CAMTA1: variants seen among roughly 807,000 people sequenced by gnomAD.
CAMTA1 encodes calmodulin-binding transcription activator 1.
A neutral mutation model predicts 170.9 loss-of-function variants in CAMTA1; 27 were observed. That is an observed-to-expected ratio of 0.16 (90% CI 0.12 to 0.22). CAMTA1 has a LOEUF of 0.22. Among genes scored for constraint, CAMTA1 ranks in the 10% least tolerant of loss-of-function variants. The probability of loss-of-function intolerance (pLI) is 1.00; values close to 1 mark genes in which losing one functional copy is unlikely to be tolerated. For missense variants in CAMTA1, 1,619 were observed against 2,217.2 expected (o/e 0.73, Z 5.42); for synonymous variants, 833 against 891.5 (o/e 0.93, Z 1.17).
At chr1:7,394,400 T>C (rs904245863) in intron 5 of CAMTA1, among the ~76,000 whole-genome samples, 1 of 152,244 alleles carries the variant, frequency 6.6e-6, no homozygotes, top group African/African-American at 2.4e-5. Flanking sequence ...GGTAAGGTGA[T>C]ATCTCATTGT....
intron 5 of CAMTA1, among the ~76,000 whole-genome samples, chr1:7,268,266 AGG>A: frequency 6.6e-6 from 1 of 151,982 alleles, no homozygotes; most frequent in East Asian, 1.9e-4. Context: ...ACAGAGGAGA[AGG>A]GGGGGTCAGC....
intron 3 of CAMTA1, among the ~76,000 whole-genome samples, chr1:6,929,356 T>TTTG (rs1553189095): frequency 5.5e-4 from 82 of 150,180 alleles, no homozygotes; most frequent in African/African-American, 1.2e-3. Context: ...ATTTTTTTTT[T>TTTG]TTTGTTTGTT....
chr1:7,665,818 T>C lies in CAMTA1; in HGVS notation c.2652+619T>C, dbSNP rs755508879. Among the ~76,000 whole-genome samples, 22 of 152,166 alleles carry C rather than the reference T, an allele frequency of 1.4e-4. No homozygotes were observed. Among genetic ancestry groups the C allele is most frequent in the Non-Finnish European group, 2.6e-4 (18 of 68,024 alleles). ...TCAATTTATGTGTTGAGTCCATCTA[T>C]GTTTTGCTTTGCTTTTTTTTTGAAA... On this transcript the variant is annotated intron_variant, in intron 9 of 22. Coordinates refer to ENST00000303635, the MANE Select transcript of CAMTA1 (RefSeq NM_015215.4). This position sits in a 1 kb window ranked among gnomAD's most constrained non-coding sequence, Gnocchi z 4.3.
chr1:7,110,070 C>A (rs1643919174), intron 4 of CAMTA1, among the ~76,000 whole-genome samples: 1 of 152,162 alleles, frequency 6.6e-6, no homozygotes, highest in East Asian at 1.9e-4. Context: ...TTCAATTTAT[C>A]TGAGTTTCAA....
At chr1:7,441,676 T>C (rs112588473) in intron 5 of CAMTA1, 1 of 152,176 alleles carries the variant, frequency 6.6e-6, no homozygotes, top group Non-Finnish European at 1.5e-5. Flanking sequence ...GGCTTCAAGG[T>C]TGAGTTGGCT....
chr1:7,734,660 G>A (rs757262061), intron 12 of CAMTA1, among the ~76,000 whole-genome samples: 4 of 152,322 alleles, frequency 2.6e-5, no homozygotes, highest in Non-Finnish European at 5.9e-5. Flanking sequence ...TTTGCGGCAT[G>A]TTGGGATCAC....
chr1:6,962,023 C>A (rs573166352), intron 3 of CAMTA1, among the ~76,000 whole-genome samples: 3 of 152,246 alleles, frequency 2.0e-5, no homozygotes, highest in Non-Finnish European at 2.9e-5. Flanking sequence ...AGCCAAGCCC[C>A]CTCAGCCTCC....
intron 3 of CAMTA1, among the ~76,000 whole-genome samples, chr1:6,869,453 A>G (rs1259310265): frequency 6.6e-6 from 1 of 152,194 alleles, no homozygotes; most frequent in Admixed American, 6.5e-5. Context: ...CAGCAAACAG[A>G]CCGGACTCAG....
intron 4 of CAMTA1, among the ~76,000 whole-genome samples, chr1:7,104,005 A>G (rs1274786817): frequency 7.3e-6 from 1 of 137,488 alleles, no homozygotes; most frequent in East Asian, 2.0e-4. Flanking sequence ...CATGAACACA[A>G]CACACTACAC....
At chr1:7,204,589 G>T (rs1657328190) in intron 4 of CAMTA1, among the ~76,000 whole-genome samples, 1 of 151,892 alleles carries the variant, frequency 6.6e-6, no homozygotes, top group African/African-American at 2.4e-5. Flanking sequence ...GGTCTATCCT[G>T]GATAATGTTT....
At position 7,212,444 on chromosome 1, in the gene CAMTA1, A is replaced by T. The variant is rs566048626; in HGVS notation, c.303-37047A>T. 7.2e-5 allele frequency among the ~76,000 whole-genome samples: 11 copies of T among 152,022 alleles called. No individual in the cohort carries two copies. The South Asian group carries it at 2.1e-3, about 29-fold the overall frequency. On this transcript the variant is annotated intron_variant, in intron 4 of 22. Coordinates refer to ENST00000303635, the MANE Select transcript of CAMTA1 (RefSeq NM_015215.4). ...TGTGTTTCTTTGCTGAGATAAGCAG[A>T]TACATGTATACTTTCTTATTTTCTC...
Position 7,749,578 on chromosome 1 carries a change from T to C in CAMTA1, c.4690-1621T>C, listed in dbSNP as rs148168853. Among the ~76,000 whole-genome samples, 279 of 151,128 alleles carry C rather than the reference T, an allele frequency of 1.8e-3. 1 individual carries two copies. The highest frequency in any genetic ancestry group is 6.6e-3 in the African/African-American group (271 of 41,234). On this transcript the variant is annotated intron_variant, in intron 19 of 22. Transcript: ENST00000303635. ...CTCCCCAGAAACTGTCATCTACAGC[T>C]AGGAAGACAGAAGGCATTATTTTTG...
chr1:7,628,363 C>T (rs890721581), intron 6 of CAMTA1, among the ~76,000 whole-genome samples: 5 of 152,230 alleles, frequency 3.3e-5, no homozygotes, highest in African/African-American at 4.8e-5. Context: ...CCAAAGAATG[C>T]GGCTTGGCCA....
chr1:7,736,785 T>A lies in CAMTA1; in HGVS notation c.3264-146T>A. ...TTTGGACCCCTAGCCAAATGGAGCG[T>A]CCACACTGCCCTGGGACTCTGTTTC... On this transcript the variant is annotated intron_variant, in intron 13 of 22. Transcript: ENST00000303635. This position sits in a 1 kb window ranked among gnomAD's most constrained non-coding sequence, Gnocchi z 4.5. The A allele has an allele frequency of 1.4e-6, 1 of 726,578 alleles. No homozygotes were observed. Among genetic ancestry groups the A allele is most frequent in the South Asian group, 1.8e-5 (1 of 55,050 alleles). The allele number at this position is 726,578 out of a possible 1,614,324, so 45.0% of individuals were successfully genotyped here.
chr1:7,235,558 C>T (rs1466837307), intron 4 of CAMTA1, among the ~76,000 whole-genome samples: 7 of 152,134 alleles, frequency 4.6e-5, no homozygotes, highest in Admixed American at 3.3e-4. Flanking sequence ...GCCCAAGAGG[C>T]GGAGGTTGCA....
chr1:7,690,248 C>T (rs1488071752), intron 11 of CAMTA1, among the ~76,000 whole-genome samples: 1 of 152,210 alleles, frequency 6.6e-6, no homozygotes. Context: ...CAAGTTTTGC[C>T]TCTGGTGTCC....
chr1:7,168,837 A>T (rs1649037140), intron 4 of CAMTA1, among the ~76,000 whole-genome samples: 1 of 151,942 alleles, frequency 6.6e-6, no homozygotes, highest in South Asian at 2.1e-4. Context: ...AATAGCAGGA[A>T]CTCTTGCCTC....
intron 5 of CAMTA1, among the ~76,000 whole-genome samples, chr1:7,439,608 G>A (rs930848653): frequency 6.6e-6 from 1 of 152,172 alleles, no homozygotes; most frequent in Admixed American, 6.5e-5. Context: ...CGCATGGTAC[G>A]GCCACCGTCC....
At chr1:6,857,756 C>G (rs931627945) in intron 3 of CAMTA1, among the ~76,000 whole-genome samples, 1 of 152,154 alleles carries the variant, frequency 6.6e-6, no homozygotes, top group African/African-American at 2.4e-5. Flanking sequence ...AAAAACATTC[C>G]TGTCTTCTGG....
Sources: allele counts gnomAD v4.1 joint callset (sites outside exome capture counted in the v4.1 genomes callset), GRCh38; gene constraint gnomAD v4.1.1; non-coding constraint Gnocchi (gnomAD v3.1); transcripts MANE v1.5; gene names NCBI Gene and HGNC (gene_info 2026-07-23, HGNC 2026-07-21).